The following SLIT2 variants were observed in gnomAD, a reference collection of about 807,000 sequenced individuals.
SLIT2 encodes slit guidance ligand 2.
A neutral mutation model predicts 185.7 loss-of-function variants in SLIT2; 41 were observed. The observed-to-expected ratio is 0.22, with a 90% CI of 0.17 to 0.29. SLIT2 has a LOEUF of 0.29. Ranked by LOEUF, SLIT2 falls within the 10% of genes least tolerant of loss-of-function variation. The pLI is 1.00. For synonymous variants in SLIT2, 693 were observed against 680.2 expected (o/e 1.02, Z -0.29); for missense variants, 1,571 against 1,909.0 (o/e 0.82, Z 3.30).
intron 4 of SLIT2, among the ~76,000 whole-genome samples, chr4:20,397,880 T>G (rs927665906): frequency 4.6e-5 from 7 of 151,834 alleles, no homozygotes; most frequent in African/African-American, 1.7e-4. Flanking sequence ...GAACTAACTT[T>G]CTGTGATGCT....
chr4:20,518,253 A>T lies in SLIT2; in HGVS notation c.1059-1129A>T, dbSNP rs1212320372. On this transcript the variant is annotated intron_variant, in intron 11 of 36. Coordinates refer to ENST00000504154, the MANE Select transcript of SLIT2 (RefSeq NM_004787.4). ...TATGTGTGTGTGTATATATATATAT[A>T]TATTTTTTTTTTTTTTTGAGACAGA... Among the ~76,000 whole-genome samples, 815 of 101,404 alleles carry T rather than the reference A, an allele frequency of 8.0e-3. 11 individuals are homozygous for T. Among genetic ancestry groups the T allele is most frequent in the Non-Finnish European group, 0.013 (645 of 50,470 alleles). 66.5% of individuals were successfully genotyped at this position (101,404 alleles called of 152,430 possible).
intron 26 of SLIT2, among the ~76,000 whole-genome samples, chr4:20,559,272 A>C (rs1012626103): frequency 1.3e-5 from 2 of 152,146 alleles, no homozygotes; most frequent in South Asian, 4.1e-4. Flanking sequence ...ATTTCAAAGT[A>C]TACCTTAAAT....
intron 19 of SLIT2, among the ~76,000 whole-genome samples, chr4:20,540,921 C>T (rs1722753422): frequency 6.6e-6 from 1 of 152,152 alleles, no homozygotes; most frequent in Non-Finnish European, 1.5e-5. Context: ...ATTTTTATAA[C>T]TGGCATTTAA....
intron 11 of SLIT2, among the ~76,000 whole-genome samples, chr4:20,511,604 A>ATTTTT (rs1719757628): frequency 1.7e-5 from 1 of 58,316 alleles, no homozygotes; most frequent in South Asian, 5.8e-4. Flanking sequence ...TTTTTTTTTT[A>ATTTTT]TTTTTGGTAG....
chr4:20,368,497 T>C (rs1402834502), intron 4 of SLIT2, among the ~76,000 whole-genome samples: 1 of 152,074 alleles, frequency 6.6e-6, no homozygotes, highest in Non-Finnish European at 1.5e-5. Context: ...ACGATCTTTC[T>C]ATATTGTTAA....
chr4:20,476,677 T>C (rs1716143038), intron 5 of SLIT2, among the ~76,000 whole-genome samples: 1 of 152,160 alleles, frequency 6.6e-6, no homozygotes, highest in South Asian at 2.1e-4. Flanking sequence ...GAATTTGCTA[T>C]GGGTAGGAAC....
At chr4:20,267,322 C>T (rs1713134074) in intron 3 of SLIT2, among the ~76,000 whole-genome samples, 1 of 151,906 alleles carries the variant, frequency 6.6e-6, no homozygotes, top group Non-Finnish European at 1.5e-5. Flanking sequence ...AGTAAATTCA[C>T]TCCTTTACCA....
intron 4 of SLIT2, among the ~76,000 whole-genome samples, chr4:20,396,749 C>CT (rs201699571): frequency 1.4e-3 from 207 of 147,556 alleles, no homozygotes; most frequent in East Asian, 0.013. Context: ...CTATTTATCT[C>CT]TTTTTTTTTA....
intron 11 of SLIT2, 79 bp from the exon 12 acceptor site, chr4:20,519,303 G>A (rs747069951): frequency 1.5e-4 from 108 of 742,380 alleles, no homozygotes; most frequent in Non-Finnish European, 2.3e-4. Context: ...CTTCCTGTAT[G>A]CCTGAGTAAA....
chr4:20,530,321 G>T (rs972549698), intron 16 of SLIT2, among the ~76,000 whole-genome samples: 1 of 151,646 alleles, frequency 6.6e-6, no homozygotes, highest in Non-Finnish European at 1.5e-5. Flanking sequence ...CCAGGCAGGA[G>T]TGCAGTGGCA....
intron 4 of SLIT2, among the ~76,000 whole-genome samples, chr4:20,324,398 T>C (rs1719374827): frequency 6.6e-6 from 1 of 151,378 alleles, no homozygotes; most frequent in South Asian, 2.1e-4. Flanking sequence ...TTCCCTGCTC[T>C]CTTTGCCATT....
intron 30 of SLIT2, 86 bp downstream of exon 30, chr4:20,589,823 C>T (rs2148948629): frequency 1.2e-6 from 1 of 830,850 alleles, no homozygotes; most frequent in South Asian, 1.4e-5. Flanking sequence ...TCCTTAGCTT[C>T]ACACCTCTGC....
At chr4:20,494,253 G>A (rs750799937) in intron 9 of SLIT2, among the ~76,000 whole-genome samples, 5 of 152,204 alleles carry the variant, frequency 3.3e-5, no homozygotes, top group Non-Finnish European at 5.9e-5. Context: ...TATGGAAACA[G>A]CTATGATAGC....
intron 4 of SLIT2, among the ~76,000 whole-genome samples, chr4:20,366,411 A>G (rs1228844770): frequency 2.0e-5 from 3 of 152,104 alleles, no homozygotes. Context: ...GGTTGGCCAC[A>G]TTTCTGTTTT....
intron 4 of SLIT2, among the ~76,000 whole-genome samples, chr4:20,384,524 A>G (rs1724782716): frequency 6.6e-6 from 1 of 152,168 alleles, no homozygotes. Context: ...ACTAAAAATA[A>G]GATATAAGAA....
chr4:20,382,148 C>T (rs895772297), intron 4 of SLIT2, among the ~76,000 whole-genome samples: 2 of 151,862 alleles, frequency 1.3e-5, no homozygotes, highest in African/African-American at 2.4e-5. Flanking sequence ...AAGGATTTGA[C>T]TAAATTTAGG....
At chr4:20,586,865 G>C (rs182433043) in intron 29 of SLIT2, among the ~76,000 whole-genome samples, 80 of 152,264 alleles carry the variant, frequency 5.3e-4, no homozygotes, top group African/African-American at 1.9e-3. Flanking sequence ...ATTAGCCCTG[G>C]CATGGAGTTG....
chr4:20,570,733 A>ATATATATATATATATATATATATATATG (rs1560204466), intron 29 of SLIT2, among the ~76,000 whole-genome samples: 17 of 14,316 alleles, frequency 1.2e-3, no homozygotes, highest in Middle Eastern at 0.11. Flanking sequence ...ATATATATGT[A>ATATATATATATATATATATATATATATG]TATATATATA....
intron 4 of SLIT2, among the ~76,000 whole-genome samples, chr4:20,340,546 T>C (rs1355445020): frequency 1.3e-5 from 2 of 152,160 alleles, no homozygotes; most frequent in South Asian, 2.1e-4. Context: ...TCATAGAGTT[T>C]AATTTATGGC....
Sources: gnomAD v4.1 joint callset for allele counts (sites outside exome capture counted in the v4.1 genomes callset) on GRCh38, gnomAD v4.1.1 for gene constraint, MANE v1.5 for transcripts, NCBI Gene and HGNC (gene_info 2026-07-23, HGNC 2026-07-21) for gene names.